MAP7: variants seen among roughly 807,000 people sequenced by gnomAD.
The protein encoded by MAP7 is ensconsin.
In MAP7, 52 loss-of-function variants were observed where a neutral mutation model predicts 94.8. That is an observed-to-expected ratio of 0.55 (90% CI 0.44 to 0.69). The LOEUF is 0.69. MAP7 is among the 30% of genes least tolerant of loss of function. MAP7 has a pLI of 0.00. For synonymous variants in MAP7, 350 were observed against 357.0 expected, an observed-to-expected ratio of 0.98 and a Z score of 0.22; for missense variants, 940 against 964.6, an observed-to-expected ratio of 0.97 and a Z score of 0.34.
chr6:136,398,476 C>T (rs1186948747), intron 3 of MAP7, among the ~76,000 whole-genome samples: 2 of 152,192 alleles, frequency 1.3e-5, no homozygotes, highest in Non-Finnish European at 2.9e-5. Flanking sequence ...TGTGTTCCCA[C>T]CCAAATCTCA....
chr6:136,447,408 T>C (rs1485088548), intron 1 of MAP7, among the ~76,000 whole-genome samples: 7 of 152,230 alleles, frequency 4.6e-5, no homozygotes, highest in African/African-American at 1.7e-4. Context: ...GGTGTTATTA[T>C]TTCCTGTTCC....
At position 136,523,502 on chromosome 6, in the gene MAP7, A is replaced by T. The variant is rs117305965; in HGVS notation, c.67+26840T>A. 5.7e-4 allele frequency among the ~76,000 whole-genome samples: 87 copies of T among 152,380 alleles called. No individual in the cohort carries two copies. In the East Asian group the frequency reaches 0.012, roughly 21 times the overall value. ...ACATTTCCATCATTTTCCATGGAAC[A>T]AAGCTGGACTACAAAGTGAATATTC... On this transcript the variant is annotated intron_variant, in intron 1 of 17. Coordinates refer to ENST00000354570, the MANE Select transcript of MAP7 (RefSeq NM_003980.6).
chr6:136,372,460 TG>T (rs1002524441), intron 8 of MAP7, 40 bp downstream of exon 8: 4 of 1,611,646 alleles, frequency 2.5e-6, no homozygotes, highest in Non-Finnish European at 3.4e-6. Flanking sequence ...GGAACAGCAC[TG>T]GCTCCCAGAC....
chr6:136,344,681 T>C (rs1457284415), intron 17 of MAP7, among the ~76,000 whole-genome samples: 1 of 152,190 alleles, frequency 6.6e-6, no homozygotes, highest in African/African-American at 2.4e-5. Flanking sequence ...AACATACCAT[T>C]AGTCGGATTG....
Position 136,448,706 on chromosome 6 carries a change from C to G in MAP7, c.68-26907G>C, listed in dbSNP as rs1212228062. Among the ~76,000 whole-genome samples the G allele has an allele frequency of 2.0e-5, 3 of 152,080 alleles. No individual in the cohort carries two copies. The East Asian group carries it at 5.8e-4, about 30-fold the overall frequency. ...GGGATTACAGGCGTGGCCACCGTGC[C>G]TAGCAATGCCTATGAATTCTTATAA... On this transcript the variant is annotated intron_variant, in intron 1 of 17. Coordinates refer to ENST00000354570, the MANE Select transcript of MAP7 (RefSeq NM_003980.6).
intron 1 of MAP7, among the ~76,000 whole-genome samples, chr6:136,523,254 C>G (rs1256054635): frequency 6.6e-6 from 1 of 152,172 alleles, no homozygotes; most frequent in African/African-American, 2.4e-5. Flanking sequence ...TTAATAACCA[C>G]ATTCATTTCA....
intron 6 of MAP7, among the ~76,000 whole-genome samples, chr6:136,383,156 G>A (rs1416041283): frequency 1.3e-5 from 2 of 151,980 alleles, no homozygotes; most frequent in Admixed American, 6.6e-5. Context: ...GTTAATGAAT[G>A]GACACCAAAA....
At chr6:136,448,163 G>C (rs1799924917) in intron 1 of MAP7, among the ~76,000 whole-genome samples, 1 of 151,974 alleles carries the variant, frequency 6.6e-6, no homozygotes, top group African/African-American at 2.4e-5. Flanking sequence ...CTGCACTCCA[G>C]CCTGGCCGAC....
chr6:136,434,263 C>T (rs1378788648), intron 1 of MAP7, among the ~76,000 whole-genome samples: 1 of 146,806 alleles, frequency 6.8e-6, no homozygotes, highest in Non-Finnish European at 1.5e-5. Context: ...GACAAGATCG[C>T]ACCACTGCAC....
rs148701192 is a variant in MAP7, at chr6:136,363,824, A to G, written c.1274-1122T>C. On this transcript the variant is annotated intron_variant, in intron 10 of 17. Coordinates refer to ENST00000354570, the MANE Select transcript of MAP7 (RefSeq NM_003980.6). ...CACAGGAATAGCATTGCCAGATTTA[A>G]CTGGCCACCCTGTGTTCTATCTGGC... Among the ~76,000 whole-genome samples, 593 of 152,300 alleles carry G rather than the reference A, an allele frequency of 3.9e-3. 5 individuals carry two copies. Among genetic ancestry groups the G allele is most frequent in the African/African-American group, 0.014 (570 of 41,568 alleles).
intron 1 of MAP7, among the ~76,000 whole-genome samples, chr6:136,447,376 T>C (rs1023151277): frequency 6.6e-6 from 1 of 152,238 alleles, no homozygotes; most frequent in Non-Finnish European, 1.5e-5. Flanking sequence ...TGTGATCCAC[T>C]CACAGGACTC....
intron 1 of MAP7, among the ~76,000 whole-genome samples, chr6:136,459,120 T>C (rs2128907490): frequency 6.6e-6 from 1 of 152,126 alleles, no homozygotes; most frequent in Middle Eastern, 3.4e-3. Flanking sequence ...AACGACAACA[T>C]ACAAATGGCC....
At chr6:136,492,025 T>A (rs979158181) in intron 1 of MAP7, among the ~76,000 whole-genome samples, 7 of 152,028 alleles carry the variant, frequency 4.6e-5, no homozygotes, top group African/African-American at 1.7e-4. Context: ...GAGTTTATAT[T>A]CCAAAAGAAG....
At chr6:136,428,094 T>A (rs555208440) in intron 1 of MAP7, among the ~76,000 whole-genome samples, 1 of 152,362 alleles carries the variant, frequency 6.6e-6, no homozygotes, top group East Asian at 1.9e-4. Context: ...TTTCTATAAC[T>A]GCACTAAGAC....
intron 1 of MAP7, among the ~76,000 whole-genome samples, chr6:136,473,470 T>G (rs1386291278): frequency 1.3e-5 from 2 of 152,216 alleles, no homozygotes; most frequent in Admixed American, 1.3e-4. Context: ...TATAAATATG[T>G]ACATGTGTAT....
At chr6:136,509,140 C>T (rs1222542451) in intron 1 of MAP7, among the ~76,000 whole-genome samples, 1 of 152,170 alleles carries the variant, frequency 6.6e-6, no homozygotes, top group Non-Finnish European at 1.5e-5. Flanking sequence ...ATTCAATTTG[C>T]TCCTCTTGAT....
intron 1 of MAP7, among the ~76,000 whole-genome samples, chr6:136,470,551 T>C (rs1418287397): frequency 6.6e-6 from 1 of 152,206 alleles, no homozygotes; most frequent in Non-Finnish European, 1.5e-5. Flanking sequence ...GTTACCATGC[T>C]GCACATTAGG....
At chr6:136,503,282 T>C (rs764383770) in intron 1 of MAP7, among the ~76,000 whole-genome samples, 5 of 152,018 alleles carry the variant, frequency 3.3e-5, no homozygotes, top group African/African-American at 4.8e-5. Flanking sequence ...CCTAATAGTA[T>C]TGATGCTGAA....
At chr6:136,347,841 CCTA>C (rs534961718) in intron 16 of MAP7, among the ~76,000 whole-genome samples, 6 of 152,134 alleles carry the variant, frequency 3.9e-5, no homozygotes, top group Non-Finnish European at 5.9e-5. Context: ...AGATGCCTGT[CCTA>C]AGTGTCTCAC....
Sources: gnomAD v4.1 joint callset for allele counts (sites outside exome capture counted in the v4.1 genomes callset) on GRCh38, gnomAD v4.1.1 for gene constraint, MANE v1.5 for transcripts, NCBI Gene and HGNC (gene_info 2026-07-23, HGNC 2026-07-21) for gene names.